Variants in RNF4 observed in about 807,000 individuals in gnomAD.
RNF4 encodes the protein ring finger protein 4.
RNF4 carries 7 observed loss-of-function variants against 24.3 expected under a neutral mutation model. That is an observed-to-expected ratio of 0.29 (90% CI 0.16 to 0.54). The LOEUF (loss-of-function observed/expected upper bound fraction) is 0.54. Ranked by LOEUF, RNF4 falls within the 20% of genes least tolerant of loss-of-function variation. The pLI, the probability that RNF4 is intolerant of heterozygous loss-of-function variation, is 0.95. For synonymous variants in RNF4, 83 were observed against 84.3 expected, an observed-to-expected ratio of 0.98 and a Z score of 0.09; for missense variants, 209 against 248.5, an observed-to-expected ratio of 0.84 and a Z score of 1.07.
intron 1 of RNF4, chr4:2,481,067 C>T (rs867634553): frequency 1.3e-5 from 2 of 152,214 alleles, no homozygotes; most frequent in Admixed American, 1.3e-4. Flanking sequence ...AGATCAGTCA[C>T]CTCAGTTGAC....
At chr4:2,499,598 A>G (rs541301622) in intron 3 of RNF4, among the ~76,000 whole-genome samples, 22 of 152,176 alleles carry the variant, frequency 1.4e-4, no homozygotes, top group African/African-American at 5.3e-4. Flanking sequence ...TTTAATATTA[A>G]TATTAATAGT....
intron 3 of RNF4, among the ~76,000 whole-genome samples, chr4:2,498,205 G>A (rs3108491): frequency 0.9 from 136,307 of 152,146 alleles, 61,265 homozygotes; most frequent in African/African-American, 0.97. Context: ...TCTGTTTGAG[G>A]CAGAGTTTCG....
chr4:2,503,580 A>G lies in RNF4; in HGVS notation c.204+2842A>G, dbSNP rs115589473. Among the ~76,000 whole-genome samples, 1,144 of 152,240 alleles carry G rather than the reference A, an allele frequency of 7.5e-3. 18 individuals carry two copies. Among genetic ancestry groups the G allele is most frequent in the African/African-American group, 0.026 (1,084 of 41,534 alleles). Reference sequence around the variant, plus strand: ...TGATAGCTCTTGCTAATCATTCTCTACTTATTTTTGATTTTAATAAGTCCA... The same window carrying G: ...TGATAGCTCTTGCTAATCATTCTCTGCTTATTTTTGATTTTAATAAGTCCA... On this transcript the variant is annotated intron_variant, in intron 4 of 7. Transcript: ENST00000314289.
rs1448339040 is a variant in RNF4, at chr4:2,497,079, G to A, written c.82G>A (p.Glu28Lys). The A allele has an allele frequency of 1.2e-6, 2 of 1,609,774 alleles. No homozygotes were observed. The highest frequency in any genetic ancestry group is 1.7e-6 in the Non-Finnish European group (2 of 1,178,178). The part of the protein sequence containing the change: ...KRTREATSTP[E>K]ISLEAEPIEL... The stretch of plus-strand genomic sequence containing the variant: ...AACTCGGGAAGCAACCTCCACCCCC[G>A]AGATCTCCTTGGAAGCAGAACCCAT... The change falls in exon 3 of 8, where the codon GAG becomes AAG. Residue 28 changes from glutamate (E) to lysine (K), a missense_variant. Physicochemically the swap from Glu to Lys is moderately conservative, Grantham distance 56 (BLOSUM62 1). Coordinates refer to ENST00000314289, the MANE Select transcript of RNF4 (RefSeq NM_002938.5).
intron 1 of RNF4, among the ~76,000 whole-genome samples, chr4:2,484,441 A>G (rs969907255): frequency 5.9e-5 from 9 of 151,964 alleles, no homozygotes; most frequent in African/African-American, 1.9e-4. Flanking sequence ...TCCTTTATGT[A>G]TGATAGAGAC....
chr4:2,504,726 AT>A (rs1182588172), intron 4 of RNF4, among the ~76,000 whole-genome samples: 157 of 61,114 alleles, frequency 2.6e-3, no homozygotes, highest in East Asian at 9.6e-3. Flanking sequence ...CATTTTTTGT[AT>A]TTTTTTTTTT....
intron 1 of RNF4, among the ~76,000 whole-genome samples, chr4:2,483,379 A>G (rs1735299596): frequency 1.3e-5 from 2 of 152,218 alleles, no homozygotes; most frequent in Non-Finnish European, 2.9e-5. Flanking sequence ...TGTAGGGCTT[A>G]TTGGCCAGCC....
chr4:2,477,634 A>T (rs1735121411), intron 1 of RNF4, among the ~76,000 whole-genome samples: 1 of 152,158 alleles, frequency 6.6e-6, no homozygotes, highest in Non-Finnish European at 1.5e-5. Context: ...TCCCTACACA[A>T]GCTCTCTTTG....
intron 3 of RNF4, among the ~76,000 whole-genome samples, chr4:2,500,156 C>CA (rs5855735): frequency 0.055 from 4,226 of 76,424 alleles, 112 homozygotes; most frequent in Middle Eastern, 0.13. Context: ...GACTCTGTCT[C>CA]AAAAAAAAAA....
intron 1 of RNF4, chr4:2,489,699 C>T (rs1171888848): frequency 6.6e-6 from 1 of 152,252 alleles, no homozygotes; most frequent in South Asian, 2.1e-4. Flanking sequence ...CTTTGTGGCT[C>T]CATTAACCAT....
At chr4:2,497,660 A>G (rs931267612) in intron 3 of RNF4, among the ~76,000 whole-genome samples, 1 of 152,298 alleles carries the variant, frequency 6.6e-6, no homozygotes, top group African/African-American at 2.4e-5. Flanking sequence ...TTTGAGATAG[A>G]GTCTTGCTCT....
chr4:2,489,502 T>TA (rs1278101702), intron 1 of RNF4, among the ~76,000 whole-genome samples: 3 of 152,206 alleles, frequency 2.0e-5, no homozygotes, highest in African/African-American at 7.2e-5. Flanking sequence ...GGGAACTTGT[T>TA]AGATACGTAA....
At chr4:2,495,643 G>T (rs926049065) in intron 2 of RNF4, among the ~76,000 whole-genome samples, 6 of 145,382 alleles carry the variant, frequency 4.1e-5, no homozygotes, top group Admixed American at 6.8e-5. Flanking sequence ...TTTTTTTGGG[G>T]GGGGGTGAGA....
intron 2 of RNF4, among the ~76,000 whole-genome samples, chr4:2,492,406 CGAG>C (rs958506245): frequency 7.9e-5 from 12 of 152,122 alleles, no homozygotes; most frequent in African/African-American, 1.9e-4. Context: ...CTTGAGCTCT[CGAG>C]GAGATTACCT....
intron 1 of RNF4, among the ~76,000 whole-genome samples, chr4:2,477,180 A>C (rs1438636319): frequency 2.6e-5 from 4 of 152,142 alleles, no homozygotes; most frequent in East Asian, 1.9e-4. Context: ...TCCCCACCCA[A>C]ATCTCACATT....
intron 1 of RNF4, among the ~76,000 whole-genome samples, chr4:2,476,678 A>C (rs1578497913): frequency 6.8e-6 from 1 of 147,852 alleles, no homozygotes; most frequent in Admixed American, 6.7e-5. Flanking sequence ...GGTGTGAGCC[A>C]CCACGTCCAG....
intron 4 of RNF4, among the ~76,000 whole-genome samples, chr4:2,506,833 G>A (rs566665668): frequency 6.6e-6 from 1 of 152,280 alleles, no homozygotes; most frequent in South Asian, 2.1e-4. Flanking sequence ...GTTTCCCAAA[G>A]TGCTGGGATT....
chr4:2,476,643 G>A (rs1187669940), intron 1 of RNF4, among the ~76,000 whole-genome samples: 4 of 151,032 alleles, frequency 2.6e-5, no homozygotes, highest in Admixed American at 6.6e-5. Flanking sequence ...CACCCACCTC[G>A]GCCTCCCAAA....
At chr4:2,499,337 G>T (rs568096922) in intron 3 of RNF4, 293 of 448,424 alleles carry the variant, frequency 6.5e-4, no homozygotes, top group Non-Finnish European at 1.1e-3. Context: ...TGTTGCCCAG[G>T]CTGGGGTGCA....
Sources: allele counts gnomAD v4.1 joint callset (sites outside exome capture counted in the v4.1 genomes callset), GRCh38; gene constraint gnomAD v4.1.1; transcripts MANE v1.5; gene names NCBI Gene and HGNC (gene_info 2026-07-23, HGNC 2026-07-21).